The following CYP39A1 variants were observed in gnomAD, a reference collection of about 807,000 sequenced individuals.
The protein encoded by CYP39A1 is 24-hydroxycholesterol 7-alpha-hydroxylase.
In CYP39A1, 49 loss-of-function variants were observed where a neutral mutation model predicts 58.1. The observed-to-expected ratio is 0.84, with a 90% confidence interval of 0.67 to 1.07. The LOEUF (loss-of-function observed/expected upper bound fraction) is 1.07, where lower values mean the gene tolerates loss of function less well. Ranked by LOEUF, CYP39A1 falls within the 50% of genes least tolerant of loss-of-function variation. CYP39A1 has a pLI of 0.00. For synonymous variants in CYP39A1, 209 were observed against 187.6 expected, an observed-to-expected ratio of 1.11 and a Z score of -0.93; for missense variants, 531 against 539.4, an observed-to-expected ratio of 0.98 and a Z score of 0.16.
At chr6:46,636,975 G>A (rs1776028736) in intron 4 of CYP39A1, among the ~76,000 whole-genome samples, 1 of 152,212 alleles carries the variant, frequency 6.6e-6, no homozygotes, top group Non-Finnish European at 1.5e-5. Flanking sequence ...CCCCCAAGGT[G>A]ATGTCATTAG....
intron 8 of CYP39A1, among the ~76,000 whole-genome samples, chr6:46,592,730 C>A (rs1053060582): frequency 1.3e-5 from 2 of 152,122 alleles, no homozygotes; most frequent in African/African-American, 4.8e-5. Flanking sequence ...CCAAGGCGGG[C>A]AGATCACCTG....
chr6:46,566,191 A>G (rs924213767), intron 10 of CYP39A1, among the ~76,000 whole-genome samples: 2 of 152,164 alleles, frequency 1.3e-5, no homozygotes, highest in African/African-American at 4.8e-5. Context: ...TGGTGATCCT[A>G]TGGTTACTCC....
chr6:46,603,398 T>C (rs952667766), intron 7 of CYP39A1, among the ~76,000 whole-genome samples: 1 of 152,356 alleles, frequency 6.6e-6, no homozygotes, highest in East Asian at 1.9e-4. Context: ...TACAGTTGAC[T>C]ATTCCTCTAT....
chr6:46,633,030 C>T (rs1232229035), intron 5 of CYP39A1, among the ~76,000 whole-genome samples: 2 of 152,032 alleles, frequency 1.3e-5, no homozygotes, highest in African/African-American at 4.8e-5. Context: ...CTACTCTAAT[C>T]CCTAGCTTTC....
At chr6:46,616,515 G>A (rs999430309) in intron 7 of CYP39A1, among the ~76,000 whole-genome samples, 1 of 151,886 alleles carries the variant, frequency 6.6e-6, no homozygotes, top group African/African-American at 2.4e-5. Context: ...TTATAGGCAT[G>A]AGCCATCATG....
chr6:46,580,956 C>T (rs942971010), intron 10 of CYP39A1, among the ~76,000 whole-genome samples: 1 of 152,146 alleles, frequency 6.6e-6, no homozygotes, highest in Admixed American at 6.5e-5. Context: ...TCTCAAAGAA[C>T]TTAGAACTAC....
intron 7 of CYP39A1, among the ~76,000 whole-genome samples, chr6:46,607,249 C>A (rs1371322674): frequency 6.6e-6 from 1 of 151,978 alleles, no homozygotes; most frequent in African/African-American, 2.4e-5. Context: ...TAAGAGAATT[C>A]AAGTGTCTCT....
chr6:46,556,803 C>T (rs2150479004), intron 10 of CYP39A1, among the ~76,000 whole-genome samples: 1 of 152,216 alleles, frequency 6.6e-6, no homozygotes, highest in South Asian at 2.1e-4. Context: ...ACCCAGTATC[C>T]ATGGCACTTA....
chr6:46,611,798 C>A (rs1179748405), intron 7 of CYP39A1, among the ~76,000 whole-genome samples: 1 of 151,890 alleles, frequency 6.6e-6, no homozygotes, highest in African/African-American at 2.4e-5. Context: ...TCTAGAAATA[C>A]CCTTATGTAT....
intron 7 of CYP39A1, among the ~76,000 whole-genome samples, chr6:46,618,321 G>A (rs1239139946): frequency 6.6e-6 from 1 of 152,054 alleles, no homozygotes; most frequent in Non-Finnish European, 1.5e-5. Context: ...GTCTCCACCT[G>A]GATTTCAACT....
intron 7 of CYP39A1, among the ~76,000 whole-genome samples, chr6:46,616,242 CCCTTCCTT>C (rs762003723): frequency 7.2e-4 from 27 of 37,742 alleles, no homozygotes; most frequent in South Asian, 1.6e-3. Context: ...CTCCCTCCCT[CCCTTCCTT>C]CCTTCCTTTC....
At chr6:46,646,458 A>C (rs1762332615) in intron 1 of CYP39A1, among the ~76,000 whole-genome samples, 1 of 152,066 alleles carries the variant, frequency 6.6e-6, no homozygotes, top group Non-Finnish European at 1.5e-5. Flanking sequence ...TATACTGATA[A>C]ATTTTATTTG....
intron 10 of CYP39A1, among the ~76,000 whole-genome samples, chr6:46,563,757 A>C (rs549893539): frequency 6.6e-6 from 1 of 152,298 alleles, no homozygotes. Context: ...AGAGCATTCC[A>C]GAGCCAGCAG....
chr6:46,577,093 C>T (rs1244416750), intron 10 of CYP39A1, among the ~76,000 whole-genome samples: 1 of 152,148 alleles, frequency 6.6e-6, no homozygotes, highest in Non-Finnish European at 1.5e-5. Context: ...CAGCAGAAAC[C>T]TTACATGCCA....
chr6:46,608,622 T>A (rs542830820), intron 7 of CYP39A1, among the ~76,000 whole-genome samples: 35 of 150,656 alleles, frequency 2.3e-4, no homozygotes, highest in Middle Eastern at 3.5e-3. Context: ...ATTTATTTAT[T>A]TTTTTTTTTG....
intron 10 of CYP39A1, among the ~76,000 whole-genome samples, chr6:46,580,123 C>T (rs768180918): frequency 6.6e-6 from 1 of 152,046 alleles, no homozygotes; most frequent in Non-Finnish European, 1.5e-5. Context: ...GCCACAGTAA[C>T]CCAAACAGCA....
chr6:46,648,978 G>A (rs909594785), intron 1 of CYP39A1, among the ~76,000 whole-genome samples: 3 of 152,182 alleles, frequency 2.0e-5, no homozygotes, highest in African/African-American at 7.2e-5. Flanking sequence ...ACAAAAGACT[G>A]ATATAACCAG....
At chr6:46,614,586 T>C (rs1209370984) in intron 7 of CYP39A1, among the ~76,000 whole-genome samples, 4 of 152,184 alleles carry the variant, frequency 2.6e-5, no homozygotes, top group Non-Finnish European at 5.9e-5. Flanking sequence ...AGTATGCTCA[T>C]TTTCTCCTTT....
chr6:46,601,972 C>A (rs1009399395), intron 7 of CYP39A1, among the ~76,000 whole-genome samples: 2 of 152,130 alleles, frequency 1.3e-5, no homozygotes, highest in Non-Finnish European at 2.9e-5. Context: ...ACTATTATTT[C>A]ATTTTATTTC....
Sources: allele counts gnomAD v4.1 joint callset (sites outside exome capture counted in the v4.1 genomes callset), GRCh38; gene constraint gnomAD v4.1.1; transcripts MANE v1.5; gene names NCBI Gene and HGNC (gene_info 2026-07-23, HGNC 2026-07-21).